Variants in LAMA2 observed in about 807,000 individuals in gnomAD.
The protein encoded by LAMA2 is laminin subunit alpha-2.
Under a neutral mutation model 364.8 loss-of-function variants are expected in LAMA2, and 269 were observed. The observed-to-expected ratio is 0.74, with a 90% CI of 0.67 to 0.82. LAMA2 has a LOEUF of 0.82. Ranked by LOEUF, LAMA2 falls within the 40% of genes least tolerant of loss-of-function variation. The probability of loss-of-function intolerance (pLI) is 0.00; values close to 1 mark genes in which losing one functional copy is unlikely to be tolerated. For missense variants in LAMA2, 3,807 were observed against 3,873.2 expected (o/e 0.98, Z 0.45); for synonymous variants, 1,379 against 1,370.6 (o/e 1.01, Z -0.14).
intron 3 of LAMA2, among the ~76,000 whole-genome samples, chr6:129,089,415 C>G (rs1001104719): frequency 2.0e-5 from 3 of 152,172 alleles, no homozygotes; most frequent in Non-Finnish European, 4.4e-5. Flanking sequence ...AAGGCAATGC[C>G]AGGTATTTCT....
At chr6:128,997,557 G>A (rs928054182) in intron 1 of LAMA2, among the ~76,000 whole-genome samples, 5 of 152,172 alleles carry the variant, frequency 3.3e-5, no homozygotes, top group African/African-American at 1.2e-4. Flanking sequence ...CACTTTCGGA[G>A]GCTGAGGCAG....
At chr6:129,140,428 A>G (rs1224068743) in intron 4 of LAMA2, among the ~76,000 whole-genome samples, 1 of 152,110 alleles carries the variant, frequency 6.6e-6, no homozygotes, top group African/African-American at 2.4e-5. Context: ...GTTGATAACC[A>G]TAGTCTGATA....
chr6:129,202,919 T>C (rs1782396032), intron 12 of LAMA2, among the ~76,000 whole-genome samples: 1 of 152,132 alleles, frequency 6.6e-6, no homozygotes, highest in Non-Finnish European at 1.5e-5. Flanking sequence ...AAATAGAAAT[T>C]AAGTGTATCA....
chr6:129,252,032 G>A, intron 13 of LAMA2, 52 bp from the exon 14 acceptor site: 4 of 1,221,096 alleles, frequency 3.3e-6, no homozygotes, highest in Non-Finnish European at 4.8e-6. Flanking sequence ...TGACACTTTT[G>A]TACCCTCTTT....
intron 28 of LAMA2, among the ~76,000 whole-genome samples, chr6:129,324,881 T>C (rs1228328204): frequency 2.0e-5 from 3 of 152,224 alleles, no homozygotes; most frequent in African/African-American, 7.2e-5. Flanking sequence ...ACAATATTCC[T>C]ACATTCCAGG....
At chr6:129,282,577 G>C (rs1416200322) in intron 18 of LAMA2, among the ~76,000 whole-genome samples, 1 of 152,144 alleles carries the variant, frequency 6.6e-6, no homozygotes, top group Non-Finnish European at 1.5e-5. Context: ...TGAGCAAGGG[G>C]ACATGTGATA....
intron 48 of LAMA2, among the ~76,000 whole-genome samples, chr6:129,456,698 GTATT>G (rs760091413): frequency 6.6e-6 from 1 of 152,080 alleles, no homozygotes; most frequent in Non-Finnish European, 1.5e-5. Context: ...AAGCCTATGT[GTATT>G]TATTTAAACA....
chr6:129,050,388 G>A lies in LAMA2; in HGVS notation c.283+300G>A, dbSNP rs9402098. 0.95 allele frequency among the ~76,000 whole-genome samples: 144,871 copies of A among 152,238 alleles called. 69,011 individuals are homozygous for A. Among genetic ancestry groups the A allele is most frequent in the East Asian group, 0.97 (5,030 of 5,170 alleles). On this transcript the variant is annotated intron_variant, in intron 2 of 64. Transcript: ENST00000421865. ...GAGGGTGTGGTTATTAACTCAGGCTGTCATCATTCATTGGTAATTTATGTG... is the reference window on the plus strand; with the variant it reads ...GAGGGTGTGGTTATTAACTCAGGCTATCATCATTCATTGGTAATTTATGTG...
chr6:129,240,126 G>A (rs911332493), intron 12 of LAMA2, among the ~76,000 whole-genome samples: 1 of 152,228 alleles, frequency 6.6e-6, no homozygotes, highest in African/African-American at 2.4e-5. Flanking sequence ...AGGGCAGGAA[G>A]CATCCGGCAT....
chr6:129,410,714 TTAGATAGA>T lies in LAMA2; in HGVS notation c.5865+6790_5865+6797del, dbSNP rs36203052. 4.7e-3 allele frequency among the ~76,000 whole-genome samples: 705 copies of T among 150,404 alleles called. 1 individual carries two copies. The highest frequency in any genetic ancestry group is 8.5e-3 in the Admixed American group (128 of 15,108). The stretch of plus-strand genomic sequence containing the variant: ...AGATGATAGATGGATGATAGACAGA[TTAGATAGA>T]TAGATAGATAGATAGATAGATAGAT... On this transcript the variant is annotated intron_variant, in intron 40 of 64. Transcript: ENST00000421865.
At chr6:129,066,336 C>T (rs1297348297) in intron 3 of LAMA2, among the ~76,000 whole-genome samples, 4 of 151,852 alleles carry the variant, frequency 2.6e-5, no homozygotes, top group African/African-American at 7.3e-5. Context: ...TGAGCCACCG[C>T]GCCCGGCCTC....
chr6:128,986,294 G>C (rs749496389), intron 1 of LAMA2, among the ~76,000 whole-genome samples: 10 of 151,930 alleles, frequency 6.6e-5, no homozygotes, highest in Non-Finnish European at 1.2e-4. Flanking sequence ...TCCTGTCCTG[G>C]TTTTAGAAAC....
At chr6:128,910,388 C>T (rs543351816) in intron 1 of LAMA2, among the ~76,000 whole-genome samples, 4 of 152,118 alleles carry the variant, frequency 2.6e-5, no homozygotes, top group African/African-American at 7.2e-5. Context: ...TCATTCATTT[C>T]GTCTTCCATT....
intron 3 of LAMA2, among the ~76,000 whole-genome samples, chr6:129,075,552 C>T (rs1044937203): frequency 6.6e-6 from 1 of 152,006 alleles, no homozygotes; most frequent in Non-Finnish European, 1.5e-5. Context: ...ACTTTTTTAG[C>T]AAAGAGATGA....
intron 1 of LAMA2, among the ~76,000 whole-genome samples, chr6:128,940,042 G>A (rs2114538810): frequency 6.6e-6 from 1 of 152,234 alleles, no homozygotes; most frequent in Middle Eastern, 3.4e-3. Flanking sequence ...AAAATGTTCT[G>A]CCATTCTTGC....
At chr6:129,093,288 C>T (rs1000243868) in intron 3 of LAMA2, among the ~76,000 whole-genome samples, 4 of 47,908 alleles carry the variant, frequency 8.3e-5, no homozygotes, top group East Asian at 5.9e-4. Context: ...CGTGCCCGGC[C>T]GAGGATTTTT....
intron 30 of LAMA2, among the ~76,000 whole-genome samples, chr6:129,346,438 A>G (rs759258819): frequency 8.0e-4 from 122 of 152,324 alleles, no homozygotes; most frequent in Non-Finnish European, 1.3e-3. Flanking sequence ...TATACAACGA[A>G]CACATTTTAC....
At chr6:129,401,429 C>T (rs1194946745) in intron 38 of LAMA2, 89 bp downstream of exon 38, 8 of 833,190 alleles carry the variant, frequency 9.6e-6, no homozygotes, top group Non-Finnish European at 1.7e-5. Flanking sequence ...AATACTAGTA[C>T]TTGTTTTCTT....
intron 47 of LAMA2, among the ~76,000 whole-genome samples, chr6:129,454,567 A>C (rs1038670389): frequency 2.6e-5 from 4 of 152,116 alleles, no homozygotes; most frequent in African/African-American, 9.7e-5. Context: ...CAGGCTTCCT[A>C]TTTTGCCTGA....
Sources: allele counts gnomAD v4.1 joint callset (sites outside exome capture counted in the v4.1 genomes callset), GRCh38; gene constraint gnomAD v4.1.1; transcripts MANE v1.5; gene names NCBI Gene and HGNC (gene_info 2026-07-23, HGNC 2026-07-21).